ADGRF5: variants seen among roughly 807,000 people sequenced by gnomAD.
ADGRF5 encodes adhesion G protein-coupled receptor F5, also known as G-protein coupled receptor 116.
ADGRF5 carries 75 observed loss-of-function variants against 132.3 expected under a neutral mutation model. The ratio of observed to expected loss-of-function variants is 0.57; its 90% CI spans 0.47 to 0.69. The LOEUF is 0.69. Ranked by LOEUF, ADGRF5 falls within the 30% of genes least tolerant of loss-of-function variation. ADGRF5 has a pLI of 0.00. For missense variants in ADGRF5, 1,516 were observed against 1,630.6 expected (o/e 0.93, Z 1.21); for synonymous variants, 629 against 597.6 (o/e 1.05, Z -0.77).
In ADGRF5 at chr6:46,860,855, T is replaced by C; in HGVS notation, c.2239A>G (p.Thr747Ala). ...KSPSQDEMLP[T>A]YLKDLSISID... ...CTAATAGAAAGATCCTTCAGGTATG[T>C]AGGGAGCATCTCATCCTGAGAGGGG... Residue 747 changes from threonine to alanine, a missense_variant, in exon 16 of 21, where the codon ACA (threonine) becomes GCA (alanine). Transcript: ENST00000283296. 1 of 1,613,438 alleles carries C rather than the reference T, an allele frequency of 6.2e-7. No homozygotes were observed. The highest frequency in any genetic ancestry group is 1.3e-5 in the African/African-American group (1 of 75,026).
intron 1 of ADGRF5, among the ~76,000 whole-genome samples, chr6:46,950,358 C>G (rs375853705): frequency 1.3e-4 from 20 of 152,288 alleles, no homozygotes; most frequent in African/African-American, 4.8e-4. Flanking sequence ...ACAGAGCAAC[C>G]TTTAAATATT....
At chr6:46,948,882 C>A (rs1311939815) in intron 1 of ADGRF5, among the ~76,000 whole-genome samples, 1 of 152,142 alleles carries the variant, frequency 6.6e-6, no homozygotes, top group African/African-American at 2.4e-5. Flanking sequence ...TTAACATGAG[C>A]CTCTACTCAG....
At chr6:46,858,089 G>T (rs1230885020) in intron 17 of ADGRF5, 40 bp downstream of exon 17, 7 of 1,434,168 alleles carry the variant, frequency 4.9e-6, no homozygotes, top group South Asian at 1.3e-5. Flanking sequence ...TGTCCTACAG[G>T]AATAAAATCT....
rs536299384 is a variant in ADGRF5, at chr6:46,863,481, T to C, written c.1991-385A>G. Among the ~76,000 whole-genome samples, 9 of 152,300 alleles carry C rather than the reference T, an allele frequency of 5.9e-5. No individual in the cohort carries two copies. In the South Asian group the frequency reaches 1.9e-3, roughly 32 times the overall value. On this transcript the variant is annotated intron_variant, in intron 14 of 20. Coordinates refer to ENST00000283296, the MANE Select transcript of ADGRF5 (RefSeq NM_001098518.2). ...TTAAGCCTCCCTGGTGATTCCAGTG[T>C]GCTGTCAAGGTTGAGAATCACTGCC... is the stretch of plus-strand genomic sequence containing the variant.
chr6:46,858,915 G>C lies in ADGRF5; in HGVS notation c.2988C>G (p.Leu996=), dbSNP rs572981326. The C allele has an allele frequency of 2.5e-6, 4 of 1,614,006 alleles. No homozygotes were observed. In the African/African-American group the frequency reaches 5.3e-5, roughly 22 times the overall value. The part of the protein sequence containing the change: ...ICDHLTSFSI[L]MSPDSPDPSS... ...TAGGATCTGGGGAGTCAGGGGACATGAGGATGGAGAATGATGTTAGGTGGT... is the reference window on the plus strand; with the variant it reads ...TAGGATCTGGGGAGTCAGGGGACATCAGGATGGAGAATGATGTTAGGTGGT... Residue 996 remains leucine (L), a synonymous_variant, in exon 17 of 21, where the codon CTC becomes CTG. Coordinates refer to ENST00000283296, the MANE Select transcript of ADGRF5 (RefSeq NM_001098518.2).
At chr6:46,865,611 A>G (rs1207556239) in intron 13 of ADGRF5, among the ~76,000 whole-genome samples, 2 of 152,216 alleles carry the variant, frequency 1.3e-5, no homozygotes, top group Non-Finnish European at 2.9e-5. Flanking sequence ...TTATCTTTCC[A>G]TCTCCTGGTG....
At chr6:46,951,788 G>T (rs1255292837) in intron 1 of ADGRF5, among the ~76,000 whole-genome samples, 4 of 152,198 alleles carry the variant, frequency 2.6e-5, no homozygotes, top group Non-Finnish European at 5.9e-5. Context: ...TCTCTGAGTT[G>T]CAGGGCACTG....
chr6:46,875,372 T>C (rs1771539137), intron 10 of ADGRF5, among the ~76,000 whole-genome samples: 2 of 152,224 alleles, frequency 1.3e-5, no homozygotes, highest in Admixed American at 1.3e-4. Context: ...TACAATTTTG[T>C]TGTTCAAAAT....
At chr6:46,861,353 C>T (rs1241811206) in intron 15 of ADGRF5, among the ~76,000 whole-genome samples, 1 of 152,006 alleles carries the variant, frequency 6.6e-6, no homozygotes, top group Non-Finnish European at 1.5e-5. Flanking sequence ...TTAAGAGTGC[C>T]CTCTTATATT....
intron 3 of ADGRF5, among the ~76,000 whole-genome samples, chr6:46,893,687 C>T (rs556687368): frequency 6.6e-6 from 1 of 152,254 alleles, no homozygotes; most frequent in African/African-American, 2.4e-5. Flanking sequence ...TGTCTGAATC[C>T]TGATAGTTTA....
intron 3 of ADGRF5, among the ~76,000 whole-genome samples, chr6:46,896,638 T>C (rs1031895134): frequency 6.8e-6 from 1 of 146,140 alleles, no homozygotes; most frequent in African/African-American, 2.6e-5. Context: ...AACAACCCTA[T>C]AAAGTAATAT....
rs540118589 is a variant in ADGRF5 at position 46,935,027 on chromosome 6, G to A, written c.-25+19707C>T. Among the ~76,000 whole-genome samples the A allele has an allele frequency of 2.9e-3, 346 of 119,422 alleles. 2 individuals are homozygous for A. Among genetic ancestry groups the A allele is most frequent in the African/African-American group, 0.011 (326 of 29,244 alleles). 78.3% of individuals were successfully genotyped at this position (119,422 alleles called of 152,430 possible). A position where few individuals can be genotyped will look rare whatever the true frequency, so the allele number is the denominator to read the frequency against. ...TTTTTTTTTTTTTTTTTTTTGAGACGGAGTCTTGCTCTGTTGCCCAGGCTG... is the reference window on the plus strand; with the variant it reads ...TTTTTTTTTTTTTTTTTTTTGAGACAGAGTCTTGCTCTGTTGCCCAGGCTG... On this transcript the variant is annotated intron_variant, in intron 1 of 20. Transcript: ENST00000265417.
intron 10 of ADGRF5, among the ~76,000 whole-genome samples, chr6:46,877,130 C>T (rs555583301): frequency 6.6e-6 from 1 of 152,340 alleles, no homozygotes; most frequent in Non-Finnish European, 1.5e-5. Flanking sequence ...TAGCTCATTC[C>T]AGTGCTGGCC....
intron 3 of ADGRF5, among the ~76,000 whole-genome samples, chr6:46,889,186 CATAT>C (rs5875989): frequency 0.13 from 18,443 of 142,876 alleles, 2,390 homozygotes; most frequent in African/African-American, 0.34. Flanking sequence ...TATGTGTATA[CATAT>C]ATATATATAT....
In ADGRF5 at chr6:46,881,374, A is replaced by G. The variant is rs1021951190; in HGVS notation, c.814+81T>C. The G allele has an allele frequency of 6.7e-5, 83 of 1,238,214 alleles. No homozygotes were observed. In the Middle Eastern group the frequency reaches 1.1e-3, roughly 16 times the overall value. 76.7% of individuals were successfully genotyped at this position (1,238,214 alleles called of 1,614,324 possible). A position where few individuals can be genotyped will look rare whatever the true frequency, so the allele number is the denominator to read the frequency against. ...GGAACTGGAGTGTCTAGCTTCCCAG[A>G]GGACATTGTAGCATAAACTAATTTC... is the stretch of plus-strand genomic sequence containing the variant. On this transcript the variant is annotated intron_variant, in intron 8 of 20. Coordinates refer to ENST00000283296, the MANE Select transcript of ADGRF5 (RefSeq NM_001098518.2).
chr6:46,904,682 G>T (rs369605629), intron 2 of ADGRF5, among the ~76,000 whole-genome samples: 14 of 152,284 alleles, frequency 9.2e-5, no homozygotes, highest in African/African-American at 3.4e-4. Context: ...ATGGTTTCAA[G>T]ATGTTAAATT....
chr6:46,892,215 G>A (rs997847449), intron 3 of ADGRF5, among the ~76,000 whole-genome samples: 8 of 150,034 alleles, frequency 5.3e-5, no homozygotes, highest in African/African-American at 2.0e-4. Context: ...CACACAGAAA[G>A]AGAGAGAGAG....
chr6:46,878,577 G>A (rs1459972848), intron 9 of ADGRF5, among the ~76,000 whole-genome samples, 172 bp from the exon 10 acceptor site: 4 of 152,136 alleles, frequency 2.6e-5, no homozygotes, highest in Non-Finnish European at 5.9e-5. Context: ...AGGAAGTGCA[G>A]ATATTTCTCA....
intron 3 of ADGRF5, among the ~76,000 whole-genome samples, chr6:46,892,151 C>T (rs1773708289): frequency 8.6e-6 from 1 of 116,238 alleles, no homozygotes; most frequent in Admixed American, 1.0e-4. Context: ...AGGGAATACA[C>T]AAATACACAC....
Sources: gnomAD v4.1 joint callset for allele counts (sites outside exome capture counted in the v4.1 genomes callset) on GRCh38, gnomAD v4.1.1 for gene constraint, MANE v1.5 for transcripts, NCBI Gene and HGNC (gene_info 2026-07-23, HGNC 2026-07-21) for gene names.